Variants in CELF1 observed in about 807,000 individuals in gnomAD.
CELF1 encodes 50 kDa nuclear polyadenylated RNA-binding protein.
CELF1 carries 10 observed loss-of-function variants against 61.8 expected under a neutral mutation model. The ratio of observed to expected loss-of-function variants is 0.16; its 90% confidence interval spans 0.10 to 0.27. The LOEUF is 0.27. Among genes scored for constraint, CELF1 ranks in the 10% least tolerant of loss-of-function variants. CELF1 has a pLI of 1.00. For missense variants in CELF1, 380 were observed against 639.1 expected, an observed-to-expected ratio of 0.59 and a Z score of 4.37; for synonymous variants, 236 against 225.1, an observed-to-expected ratio of 1.05 and a Z score of -0.43.
chr11:47,484,307 A>C, intron 7 of CELF1, 82 bp downstream of exon 7: 1 of 1,465,810 alleles, frequency 6.8e-7, no homozygotes, highest in Non-Finnish European at 9.3e-7. Flanking sequence ...AGAGAGCAAG[A>C]CCTTGTCTCC....
At chr11:47,546,067 T>C (rs1291721500) in intron 1 of CELF1, among the ~76,000 whole-genome samples, 2 of 149,648 alleles carry the variant, frequency 1.3e-5, no homozygotes, top group African/African-American at 2.5e-5. Flanking sequence ...CCTGCCACCA[T>C]GCCCAGCTAA....
At chr11:47,482,660 G>C in intron 9 of CELF1, 35 bp downstream of exon 9, 1 of 1,595,602 alleles carries the variant, frequency 6.3e-7, no homozygotes, top group Non-Finnish European at 8.6e-7. Context: ...CTGGGAGCTT[G>C]CACAGTCTGC....
At chr11:47,521,210 C>T (rs1362694822) in intron 1 of CELF1, among the ~76,000 whole-genome samples, 1 of 152,152 alleles carries the variant, frequency 6.6e-6, no homozygotes, top group Non-Finnish European at 1.5e-5. Flanking sequence ...CGACGTCGTG[C>T]CACTGCACTC....
At chr11:47,548,980 A>G (rs1251033717) in intron 1 of CELF1, among the ~76,000 whole-genome samples, 2 of 152,152 alleles carry the variant, frequency 1.3e-5, no homozygotes, top group East Asian at 1.9e-4. Flanking sequence ...CATTTCTCCA[A>G]AGATAATATA....
chr11:47,480,391 T>A (rs946108830), intron 9 of CELF1, among the ~76,000 whole-genome samples: 1 of 152,200 alleles, frequency 6.6e-6, no homozygotes, highest in African/African-American at 2.4e-5. Context: ...CTGGCCTTTT[T>A]CTTCTTAAAC....
intron 1 of CELF1, among the ~76,000 whole-genome samples, chr11:47,507,193 T>C (rs925143820): frequency 1.3e-5 from 2 of 152,178 alleles, no homozygotes; most frequent in Non-Finnish European, 2.9e-5. Context: ...ATGACTAAAA[T>C]TTATGAGGTT....
intron 1 of CELF1, among the ~76,000 whole-genome samples, chr11:47,550,528 C>T (rs2097111756): frequency 6.6e-6 from 1 of 151,966 alleles, no homozygotes; most frequent in South Asian, 2.1e-4. Flanking sequence ...TTGGGGGGGA[C>T]CGGACCCACA....
chr11:47,549,748 A>G (rs1182784458), intron 1 of CELF1, among the ~76,000 whole-genome samples: 1 of 152,180 alleles, frequency 6.6e-6, no homozygotes, highest in East Asian at 1.9e-4. Flanking sequence ...CTGTTTTCCA[A>G]CAGTGCGAAT....
chr11:47,499,609 G>T lies in CELF1; in HGVS notation c.-81-5C>A. On this transcript the variant is annotated splice_region_variant and splice_polypyrimidine_tract_variant and intron_variant, in intron 2 of 14. Transcript: ENST00000687097. ...AATACACACAGCTTTAGCTTCCTGG[G>T]CCCCACAAAAAACACAAAGTGGAAA... is the stretch of plus-strand genomic sequence containing the variant. The T allele has an allele frequency of 8.9e-7, 1 of 1,127,720 alleles. No individual in the cohort carries two copies. The highest frequency in any genetic ancestry group is 1.3e-6 in the Non-Finnish European group (1 of 786,634). 69.9% of individuals were successfully genotyped at this position (1,127,720 alleles called of 1,614,324 possible).
At chr11:47,522,699 C>T (rs750742442) in intron 1 of CELF1, among the ~76,000 whole-genome samples, 10 of 151,728 alleles carry the variant, frequency 6.6e-5, no homozygotes, top group South Asian at 2.1e-4. Flanking sequence ...TGGTGGCATG[C>T]GCTTGTAGTC....
At chr11:47,534,977 C>G (rs1192532231) in intron 1 of CELF1, among the ~76,000 whole-genome samples, 1 of 151,178 alleles carries the variant, frequency 6.6e-6, no homozygotes, top group Non-Finnish European at 1.5e-5. Flanking sequence ...GTGGAACAGT[C>G]AGAATTAGAA....
chr11:47,537,918 CTTTTT>C (rs561531761), intron 1 of CELF1, among the ~76,000 whole-genome samples: 1 of 142,624 alleles, frequency 7.0e-6, no homozygotes, highest in Non-Finnish European at 1.5e-5. Context: ...TTTTTCTTTT[CTTTTT>C]TTTTTTTTAA....
chr11:47,504,220 AG>A (rs2094255527), intron 1 of CELF1, among the ~76,000 whole-genome samples: 1 of 152,092 alleles, frequency 6.6e-6, no homozygotes, highest in Non-Finnish European at 1.5e-5. Flanking sequence ...GTTTTCCATA[AG>A]AATCTAGACA....
chr11:47,483,643 GTTTT>G, intron 7 of CELF1, 111 bp from the exon 8 acceptor site: 2 of 760,758 alleles, frequency 2.6e-6, no homozygotes, highest in Non-Finnish European at 4.5e-6. Context: ...CACAGTCCCT[GTTTT>G]CAGGGAATCA....
At chr11:47,558,227 G>A (rs1313456106) in intron 2 of CELF1, among the ~76,000 whole-genome samples, 1 of 151,720 alleles carries the variant, frequency 6.6e-6, no homozygotes, top group African/African-American at 2.4e-5. Context: ...CACATCTGGA[G>A]GCCTATAGCC....
intron 1 of CELF1, among the ~76,000 whole-genome samples, chr11:47,518,811 G>A (rs1245407400): frequency 1.3e-5 from 2 of 152,104 alleles, no homozygotes; most frequent in Non-Finnish European, 2.9e-5. Context: ...CTTAGCACTA[G>A]CCACCTAACT....
chr11:47,473,284 C>T, intron 13 of CELF1, 53 bp from the exon 14 acceptor site: 1 of 1,537,524 alleles, frequency 6.5e-7, no homozygotes, highest in Non-Finnish European at 8.9e-7. Flanking sequence ...TGCTCGTCGC[C>T]CTGCACCAGT....
chr11:47,553,014 C>CGCTGCCTCAGTTGCTGCCTCAGTT lies in CELF1; in HGVS notation c.-177_-176insAACTGAGGCAGCAACTGAGGCAGC, dbSNP rs551847315. The CGCTGCCTCAGTTGCTGCCTCAGTT allele has an allele frequency of 7.5e-6, 3 of 398,308 alleles. No individual in the cohort carries two copies. Among genetic ancestry groups the CGCTGCCTCAGTTGCTGCCTCAGTT allele is most frequent in the African/African-American group, 6.2e-5 (3 of 48,552 alleles). 24.7% of individuals were successfully genotyped at this position (398,308 alleles called of 1,614,324 possible). A position where few individuals can be genotyped will look rare whatever the true frequency, so the allele number is the denominator to read the frequency against. ...CACCAGCGGCTGCACCTGAGCCTGC[C>CGCTGCCTCAGTTGCTGCCTCAGTT]GCTGCCTCAGTTGCTGCCTGCGCCT... On this transcript the variant is annotated 5_prime_UTR_variant, in exon 1 of 15. Transcript: ENST00000687097.
intron 1 of CELF1, among the ~76,000 whole-genome samples, chr11:47,507,531 T>G (rs1026255159): frequency 1.3e-5 from 2 of 152,144 alleles, no homozygotes; most frequent in African/African-American, 4.8e-5. Flanking sequence ...CAAAACCAAT[T>G]TGTTTTATTT....
Sources: gnomAD v4.1 joint callset for allele counts (sites outside exome capture counted in the v4.1 genomes callset) on GRCh38, gnomAD v4.1.1 for gene constraint, MANE v1.5 for transcripts, NCBI Gene and HGNC (gene_info 2026-07-23, HGNC 2026-07-21) for gene names.